The following KIF24 variants were observed in gnomAD, a reference collection of about 807,000 sequenced individuals.
The protein encoded by KIF24 is kinesin family member 24, also known as kinesin-like protein KIF24.
In KIF24, 81 loss-of-function variants were observed where a neutral mutation model predicts 118.9. The ratio of observed to expected loss-of-function variants is 0.68; its 90% CI spans 0.57 to 0.82. The LOEUF is 0.82. KIF24 is among the 40% of genes least tolerant of loss of function. KIF24 has a pLI of 0.00. For synonymous variants in KIF24, 599 were observed against 610.0 expected (o/e 0.98, Z 0.27); for missense variants, 1,560 against 1,661.6 (o/e 0.94, Z 1.06).
chr9:34,282,646 A>C (rs987997834), intron 6 of KIF24: 1 of 152,120 alleles, frequency 6.6e-6, no homozygotes, highest in Non-Finnish European at 1.5e-5. Flanking sequence ...AGAACATGTT[A>C]AACTGCTGAG....
chr9:34,321,665 G>A (rs1837529863), intron 1 of KIF24, among the ~76,000 whole-genome samples: 2 of 147,536 alleles, frequency 1.4e-5, no homozygotes, highest in Admixed American at 1.4e-4. Context: ...GGAGTACAGT[G>A]GTGCAATCAC....
Position 34,290,387 on chromosome 9 carries a change from C to A in KIF24, c.914G>T (p.Gly305Val). 6.3e-7 allele frequency: 1 copy of A among 1,598,400 alleles called. No homozygotes were observed. ...TCCATAAGCAAAGCAAGTGGCATTG[C>A]CTCTGGGGAAAGGATAATTTGCATT... The part of the protein sequence containing the change: ...HPLIQHIFNG[G>V]NATCFAYGQT... Residue 305 changes from glycine (G) to valine (V), a missense_variant and splice_region_variant, in exon 5 of 13, where the codon GGC becomes GTC. Gly to Val is a moderately radical substitution (Grantham distance 109). Transcript: ENST00000402558.
In KIF24 at chr9:34,307,110, C is replaced by T. The variant is rs142919383; in HGVS notation, c.624-669G>A. Among the ~76,000 whole-genome samples, 596 of 152,214 alleles carry T rather than the reference C, an allele frequency of 3.9e-3. 5 individuals are homozygous for T. Among genetic ancestry groups the T allele is most frequent in the Middle Eastern group, 6.8e-3 (2 of 294 alleles). On this transcript the variant is annotated intron_variant, in intron 2 of 12. Transcript: ENST00000402558. The stretch of plus-strand genomic sequence containing the variant: ...TTGAGATAGGATCTCACTCTGTCAC[C>T]CAGACTGGAGTACAGTGGCACAGCC...
upstream of KIF24, among the ~76,000 whole-genome samples, chr9:34,333,506 G>C (rs1838003296): frequency 2.0e-5 from 3 of 151,916 alleles, no homozygotes; most frequent in Non-Finnish European, 4.4e-5. Context: ...GATGGCTCCT[G>C]CTTGTAGTCC....
chr9:34,293,758 G>A (rs927058852), intron 4 of KIF24, among the ~76,000 whole-genome samples: 4 of 152,096 alleles, frequency 2.6e-5, no homozygotes, highest in Admixed American at 6.5e-5. Context: ...CCTGGGCTGC[G>A]AGACTCCGTC....
intron 5 of KIF24, 127 bp downstream of exon 5, chr9:34,290,047 C>T: frequency 1.7e-6 from 1 of 584,270 alleles, no homozygotes; most frequent in South Asian, 2.6e-5. Context: ...GATGCAGGAG[C>T]CTCATTTCAC....
chr9:34,293,333 TG>T (rs1402758426), intron 4 of KIF24, among the ~76,000 whole-genome samples: 1 of 151,370 alleles, frequency 6.6e-6, no homozygotes, highest in Non-Finnish European at 1.5e-5. Context: ...TACAAAAATT[TG>T]CCAGGTGTGG....
intron 5 of KIF24, among the ~76,000 whole-genome samples, chr9:34,287,617 C>T (rs1167704026): frequency 6.6e-6 from 1 of 152,124 alleles, no homozygotes; most frequent in Non-Finnish European, 1.5e-5. Context: ...ATTTTTTTCT[C>T]AGTCTATGCT....
Position 34,254,097 on chromosome 9 carries a change from T to C in KIF24, c.*283A>G, listed in dbSNP as rs1241214925. 3.2e-6 allele frequency: 1 copy of C among 309,358 alleles called. No homozygotes were observed. The highest frequency in any genetic ancestry group is 5.4e-5 in the East Asian group (1 of 18,634). The allele number at this position is 309,358 out of a possible 1,614,324, so 19.2% of individuals were successfully genotyped here. A position where few individuals can be genotyped will look rare whatever the true frequency, so the allele number is the denominator to read the frequency against. On this transcript the variant is annotated 3_prime_UTR_variant, in exon 13 of 13. Transcript: ENST00000402558. ...AAATATATTCCCACAGGCAAGGGGT[T>C]AGTTAATCATATTCTCTAGGCACAA...
Position 34,263,738 on chromosome 9 carries a change from A to ATTT in KIF24, c.1444-569_1444-567dup, listed in dbSNP as rs11422359. ...CCTCGTTTTATTTATTTTTTTCTTA[A>ATTT]TTTTTTTTTTTTTTTGTAGAGATGG... On this transcript the variant is annotated intron_variant, in intron 8 of 12. Transcript: ENST00000402558. 7.0e-3 allele frequency among the ~76,000 whole-genome samples: 958 copies of ATTT among 137,648 alleles called. 31 individuals carry two copies. The East Asian group carries it at 0.074, about 11-fold the overall frequency. 90.3% of individuals were successfully genotyped at this position (137,648 alleles called of 152,430 possible). A position where few individuals can be genotyped will look rare whatever the true frequency, so the allele number is the denominator to read the frequency against.
intron 7 of KIF24, among the ~76,000 whole-genome samples, chr9:34,270,220 GAA>G (rs1199072244): frequency 3.3e-5 from 3 of 91,112 alleles, no homozygotes; most frequent in Non-Finnish European, 4.6e-5. Flanking sequence ...TCCATCTCAA[GAA>G]AAAAAAAAAA....
intron 3 of KIF24, among the ~76,000 whole-genome samples, chr9:34,302,588 C>A (rs903708058): frequency 3.3e-5 from 5 of 152,072 alleles, no homozygotes; most frequent in Admixed American, 6.6e-5. Flanking sequence ...GCCTCAGCCT[C>A]CCAAGTAGCT....
In KIF24 at chr9:34,266,170, T is replaced by G. The variant is rs960401361; in HGVS notation, c.1444-2998A>C. On this transcript the variant is annotated intron_variant, in intron 8 of 12. Transcript: ENST00000402558. ...AACCTCCCAAAGTGCTGGGATTATA[T>G]GTGTGAGCCACTGGGCCTGGCCTGC... 2.0e-5 allele frequency among the ~76,000 whole-genome samples: 3 copies of G among 152,272 alleles called. No individual in the cohort carries two copies. The East Asian group carries it at 5.8e-4, about 29-fold the overall frequency.
At chr9:34,289,227 C>T (rs1389229652) in intron 5 of KIF24, among the ~76,000 whole-genome samples, 1 of 152,184 alleles carries the variant, frequency 6.6e-6, no homozygotes, top group Non-Finnish European at 1.5e-5. Flanking sequence ...AGTTATGCTA[C>T]TCAGTACCCT....
Position 34,256,648 on chromosome 9 carries a change from T to C in KIF24, c.2959A>G (p.Ile987Val). 1 of 1,614,000 alleles carries C rather than the reference T, an allele frequency of 6.2e-7. No individual in the cohort carries two copies. The highest frequency in any genetic ancestry group is 1.3e-5 in the African/African-American group (1 of 75,058). The change falls in exon 11 of 13, where the codon ATC becomes GTC. Residue 987 changes from isoleucine to valine, a missense_variant. Transcript: ENST00000402558. ...GGAACTGCAACGTGGGACAATGAGATAGTGAAACCATCTTCCTCTGGGGAT... is the reference window on the plus strand; with the variant it reads ...GGAACTGCAACGTGGGACAATGAGACAGTGAAACCATCTTCCTCTGGGGAT... Reference protein sequence around the residue: ...LPSPEEDGFTISLSHVAVPGS... With the variant: ...LPSPEEDGFTVSLSHVAVPGS...
upstream of KIF24, among the ~76,000 whole-genome samples, chr9:34,332,531 C>T (rs907598037): frequency 6.6e-5 from 10 of 152,272 alleles, no homozygotes; most frequent in Admixed American, 4.6e-4. Flanking sequence ...ACAAATTCCC[C>T]GAGTTAGCTT....
At position 34,318,528 on chromosome 9, in the gene KIF24, C is replaced by A. The variant is rs1837403767; in HGVS notation, c.-25-7157G>T. ...GAGAAGCTGAGCCCCAAGGCAGCCA[C>A]GCTGGCCGAACACAGCGCCGGCCTG... On this transcript the variant is annotated intron_variant, in intron 1 of 12. Transcript: ENST00000402558. The surrounding 1 kb of genome is among the most constrained non-coding windows in gnomAD (Gnocchi z 4.9). The A allele has an allele frequency of 1.0e-6, 1 of 990,098 alleles. No homozygotes were observed. The highest frequency in any genetic ancestry group is 1.6e-5 in the African/African-American group (1 of 64,058). The allele number at this position is 990,098 out of a possible 1,614,324, so 61.3% of individuals were successfully genotyped here.
At chr9:34,293,770 CA>C (rs991003685) in intron 4 of KIF24, among the ~76,000 whole-genome samples, 2 of 151,494 alleles carry the variant, frequency 1.3e-5, no homozygotes, top group Non-Finnish European at 2.9e-5. Context: ...GACTCCGTCT[CA>C]AAAAAAAGAA....
upstream of KIF24, among the ~76,000 whole-genome samples, chr9:34,329,981 CAA>C (rs1040398642): frequency 2.6e-5 from 4 of 152,238 alleles, no homozygotes; most frequent in African/African-American, 9.6e-5. Flanking sequence ...GCCTGCTTTC[CAA>C]AAGAGATTTT....
Sources: gnomAD v4.1 joint callset for allele counts (sites outside exome capture counted in the v4.1 genomes callset) on GRCh38, gnomAD v4.1.1 for gene constraint, Gnocchi (gnomAD v3.1) non-coding constraint, MANE v1.5 for transcripts, NCBI Gene and HGNC (gene_info 2026-07-23, HGNC 2026-07-21) for gene names.